Variants in AJAP1 observed in about 807,000 individuals in gnomAD.
AJAP1 encodes adherens junction-associated protein 1.
A neutral mutation model predicts 35.0 loss-of-function variants in AJAP1; 5 were observed. That is an observed-to-expected ratio of 0.14 (90% CI 0.07 to 0.30). The LOEUF (loss-of-function observed/expected upper bound fraction) is 0.30. Ranked by LOEUF, AJAP1 falls within the 10% of genes least tolerant of loss-of-function variation. The probability of loss-of-function intolerance (pLI) is 1.00; values close to 1 mark genes in which losing one functional copy is unlikely to be tolerated. For synonymous variants in AJAP1, 284 were observed against 249.3 expected (o/e 1.14, Z -1.31); for missense variants, 586 against 571.0 (o/e 1.03, Z -0.27).
At chr1:4,666,439 C>T (rs1045190706) in intron 1 of AJAP1, among the ~76,000 whole-genome samples, 10 of 152,242 alleles carry the variant, frequency 6.6e-5, no homozygotes, top group African/African-American at 1.9e-4. Flanking sequence ...TGCCCGTGTG[C>T]GTTCAAGGGG....
rs1293834911 is a variant in AJAP1, at chr1:4,790,284, A to G, written c.*7799A>G. 6.6e-6 allele frequency: 1 copy of G among 152,206 alleles called. No homozygotes were observed. Among genetic ancestry groups the G allele is most frequent in the Non-Finnish European group, 1.5e-5 (1 of 68,036 alleles). The allele number at this position is 152,206 out of a possible 1,614,324, so 9.4% of individuals were successfully genotyped here. A position where few individuals can be genotyped will look rare whatever the true frequency, so the allele number is the denominator to read the frequency against. On this transcript the variant is annotated 3_prime_UTR_variant, in exon 6 of 6. Transcript: ENST00000378191. Reference sequence around the variant, plus strand: ...ATTCTCTATTATTTCTCTCACATACATGTGGATTTCTAATATCAAGTTATG... The same window carrying G: ...ATTCTCTATTATTTCTCTCACATACGTGTGGATTTCTAATATCAAGTTATG...
Position 4,748,578 on chromosome 1 carries a change from T to C in AJAP1, c.830-21275T>C, listed in dbSNP as rs144399292. Among the ~76,000 whole-genome samples, 673 of 151,824 alleles carry C rather than the reference T, an allele frequency of 4.4e-3. 3 individuals carry two copies. The highest frequency in any genetic ancestry group is 0.015 in the African/African-American group (639 of 41,374). ...GCCTGGCCAATATGGTAAAACCCTG[T>C]CTCTACTAAAAATGCAAAAATTAGC... On this transcript the variant is annotated intron_variant, in intron 2 of 5. Transcript: ENST00000378191.
chr1:4,685,665 C>T (rs61765025), intron 1 of AJAP1, among the ~76,000 whole-genome samples: 4,763 of 139,874 alleles, frequency 0.034, 96 homozygotes, highest in Non-Finnish European at 0.047. Flanking sequence ...CCTGCCCCAG[C>T]GAAGGAGAGG....
At position 4,785,282 on chromosome 1, in the gene AJAP1, C is replaced by A. The variant is rs1036421416; in HGVS notation, c.*2797C>A. On this transcript the variant is annotated 3_prime_UTR_variant, in exon 6 of 6. Coordinates refer to ENST00000378191, the MANE Select transcript of AJAP1 (RefSeq NM_018836.4). ...TGTGAGACCCACACAGGCACAAACA[C>A]CAGACAAGCAAGTGCATGCCCATTC... is the stretch of plus-strand genomic sequence containing the variant. 3 of 152,234 alleles carry A rather than the reference C, an allele frequency of 2.0e-5. No homozygotes were observed. Among genetic ancestry groups the A allele is most frequent in the African/African-American group, 7.2e-5 (3 of 41,446 alleles). The allele number at this position is 152,234 out of a possible 1,614,324, so 9.4% of individuals were successfully genotyped here.
At chr1:4,770,052 G>T (rs1203366709) in intron 3 of AJAP1, 112 bp downstream of exon 3, 13 of 960,474 alleles carry the variant, frequency 1.4e-5, no homozygotes, top group Non-Finnish European at 1.6e-6. Context: ...GCTGGCTTCT[G>T]CCCTGGGCAG....
intron 4 of AJAP1, among the ~76,000 whole-genome samples, chr1:4,773,351 T>C (rs1166061976): frequency 6.6e-6 from 1 of 152,136 alleles, no homozygotes; most frequent in African/African-American, 2.4e-5. Context: ...GGCTGCATGC[T>C]CCCTTTCGTT....
At chr1:4,713,552 C>G (rs1025897082) in intron 2 of AJAP1, among the ~76,000 whole-genome samples, 8 of 152,250 alleles carry the variant, frequency 5.3e-5, no homozygotes, top group Non-Finnish European at 1.2e-4. Context: ...TGTCCCTGAA[C>G]TGGTAGCCTG....
At chr1:4,679,024 A>G (rs2100525677) in intron 1 of AJAP1, among the ~76,000 whole-genome samples, 1 of 152,340 alleles carries the variant, frequency 6.6e-6, no homozygotes, top group South Asian at 2.1e-4. Context: ...CTGCACAATC[A>G]GGTGCACCTG....
At chr1:4,686,150 C>T (rs72637589) in intron 1 of AJAP1, among the ~76,000 whole-genome samples, 12,270 of 152,258 alleles carry the variant, frequency 0.081, 695 homozygotes, top group East Asian at 0.22. Flanking sequence ...CTCATCCTCA[C>T]GTCTTCCTTG....
chr1:4,715,413 C>T (rs1640365675), intron 2 of AJAP1, among the ~76,000 whole-genome samples: 1 of 152,264 alleles, frequency 6.6e-6, no homozygotes, highest in Non-Finnish European at 1.5e-5. Context: ...AGGCCGTGTG[C>T]AGTGGCTCAC....
intron 2 of AJAP1, among the ~76,000 whole-genome samples, chr1:4,748,564 A>G (rs1222254616): frequency 6.6e-6 from 1 of 152,054 alleles, no homozygotes; most frequent in Non-Finnish European, 1.5e-5. Context: ...CCTGGCCAAT[A>G]TGGTAAAACC....
At chr1:4,754,620 C>T (rs1641387808) in intron 2 of AJAP1, among the ~76,000 whole-genome samples, 1 of 152,192 alleles carries the variant, frequency 6.6e-6, no homozygotes, top group Admixed American at 6.5e-5. Context: ...ACAGGGAATT[C>T]CCAGCTTCTG....
At chr1:4,681,455 G>T (rs545902119) in intron 1 of AJAP1, among the ~76,000 whole-genome samples, 7 of 152,334 alleles carry the variant, frequency 4.6e-5, no homozygotes, top group Admixed American at 2.6e-4. Flanking sequence ...AGGCAGCCAG[G>T]GTTCTAGGAA....
At chr1:4,710,125 G>A (rs541052480) in intron 1 of AJAP1, among the ~76,000 whole-genome samples, 19 of 151,580 alleles carry the variant, frequency 1.3e-4, no homozygotes, top group African/African-American at 4.4e-4. Context: ...GGGACACACA[G>A]ATACAGTTGC....
chr1:4,744,760 C>T (rs1413448411), intron 2 of AJAP1, among the ~76,000 whole-genome samples: 2 of 152,166 alleles, frequency 1.3e-5, no homozygotes, highest in Admixed American at 6.5e-5. Context: ...CACAGGCCCA[C>T]GCTTGCATGC....
At chr1:4,667,183 A>G (rs6663166) in intron 1 of AJAP1, among the ~76,000 whole-genome samples, 140,169 of 152,168 alleles carry the variant, frequency 0.92, 64,622 homozygotes, top group Admixed American at 0.95. Flanking sequence ...GCCTGGCCCC[A>G]GGAAACACGT....
At chr1:4,668,698 C>T (rs1274956962) in intron 1 of AJAP1, among the ~76,000 whole-genome samples, 2 of 152,146 alleles carry the variant, frequency 1.3e-5, no homozygotes, top group African/African-American at 4.8e-5. Context: ...TGGGGCTCAT[C>T]CATCTCTGTT....
At chr1:4,710,619 C>A (rs933634171) in intron 1 of AJAP1, among the ~76,000 whole-genome samples, 1 of 152,270 alleles carries the variant, frequency 6.6e-6, no homozygotes, top group African/African-American at 2.4e-5. Flanking sequence ...CTTTGGGCGG[C>A]GTCAGGCTGG....
rs1444108242 is a variant in AJAP1, at chr1:4,720,498, C to A, written c.829+7799C>A. Among the ~76,000 whole-genome samples the A allele has an allele frequency of 3.3e-5, 5 of 152,174 alleles. No individual in the cohort carries two copies. In the South Asian group the frequency reaches 1.0e-3, roughly 32 times the overall value. ...GAGCGCCCACCTTGGCTCAGATGGA[C>A]CCAGGCCATGGCTGCAGGTGTCCTT... On this transcript the variant is annotated intron_variant, in intron 2 of 5. Coordinates refer to ENST00000378191, the MANE Select transcript of AJAP1 (RefSeq NM_018836.4). This position sits in a 1 kb window ranked among gnomAD's most constrained non-coding sequence, Gnocchi z 4.4.
Sources: allele counts gnomAD v4.1 joint callset (sites outside exome capture counted in the v4.1 genomes callset), GRCh38; gene constraint gnomAD v4.1.1; non-coding constraint Gnocchi (gnomAD v3.1); transcripts MANE v1.5; gene names NCBI Gene and HGNC (gene_info 2026-07-23, HGNC 2026-07-21).